Variants in MECOM observed in about 807,000 individuals in gnomAD.
MECOM encodes the protein MDS1 and EVI1 complex locus.
In MECOM, 13 loss-of-function variants were observed where a neutral mutation model predicts 116.3. The ratio of observed to expected loss-of-function variants is 0.11; its 90% confidence interval spans 0.07 to 0.18. The LOEUF (loss-of-function observed/expected upper bound fraction) is 0.18. Among genes scored for constraint, MECOM ranks in the 10% least tolerant of loss-of-function variants. The pLI, the probability that MECOM is intolerant of heterozygous loss-of-function variation, is 1.00. For synonymous variants in MECOM, 528 were observed against 535.2 expected, an observed-to-expected ratio of 0.99 and a Z score of 0.19; for missense variants, 1,299 against 1,509.0, an observed-to-expected ratio of 0.86 and a Z score of 2.31.
intron 1 of MECOM, among the ~76,000 whole-genome samples, chr3:169,619,360 G>T (rs1430999714): frequency 1.3e-5 from 2 of 152,116 alleles, no homozygotes; most frequent in Non-Finnish European, 2.9e-5. Flanking sequence ...CACAAATAAG[G>T]CTGGGCTGGA....
chr3:169,160,595 T>C (rs1418877853), intron 2 of MECOM, among the ~76,000 whole-genome samples: 2 of 146,656 alleles, frequency 1.4e-5, no homozygotes, highest in East Asian at 3.9e-4. Flanking sequence ...ATGTACAATA[T>C]ATTATTGTAC....
In MECOM at chr3:169,615,265, G is replaced by A. The variant is rs560928829; in HGVS notation, c.37+48071C>T. Among the ~76,000 whole-genome samples, 12 of 152,316 alleles carry A rather than the reference G, an allele frequency of 7.9e-5. No homozygotes were observed. The East Asian group carries it at 2.3e-3, about 29-fold the overall frequency. The stretch of plus-strand genomic sequence containing the variant: ...GCCAACTATAAAGTTATTAACACAA[G>A]AACCCTGTCTTATTCATCACAGTAT... On this transcript the variant is annotated intron_variant, in intron 1 of 16. Coordinates refer to ENST00000651503, the MANE Select transcript of MECOM (RefSeq NM_004991.4).
intron 1 of MECOM, among the ~76,000 whole-genome samples, chr3:169,477,560 G>A (rs754988050): frequency 6.6e-6 from 1 of 152,182 alleles, no homozygotes; most frequent in Non-Finnish European, 1.5e-5. Flanking sequence ...CAAAGGATTA[G>A]CTGACTTAAA....
chr3:169,141,073 T>A (rs1737960694), intron 3 of MECOM, among the ~76,000 whole-genome samples: 1 of 152,086 alleles, frequency 6.6e-6, no homozygotes, highest in Non-Finnish European at 1.5e-5. Flanking sequence ...TTAGAATTTT[T>A]AAAAATATGT....
Position 169,087,950 on chromosome 3 carries a change from A to G in MECOM, c.3585+1050T>C, listed in dbSNP as rs576114000. 1.2e-4 allele frequency among the ~76,000 whole-genome samples: 19 copies of G among 152,320 alleles called. No homozygotes were observed. In the South Asian group the frequency reaches 3.9e-3, roughly 32 times the overall value. On this transcript the variant is annotated intron_variant, in intron 16 of 16. Coordinates refer to ENST00000651503, the MANE Select transcript of MECOM (RefSeq NM_004991.4). ...TTGAGAAAGAACATTTATTTTACCT[A>G]TTACCATACATAATATCTCAGAACT...
intron 2 of MECOM, among the ~76,000 whole-genome samples, chr3:169,153,389 C>T (rs763361532): frequency 3.6e-4 from 55 of 152,172 alleles, no homozygotes; most frequent in South Asian, 1.7e-3. Flanking sequence ...TTACTATTAT[C>T]TTTTTATTTT....
chr3:169,412,087 A>T (rs1578018220), intron 1 of MECOM, among the ~76,000 whole-genome samples: 1 of 152,130 alleles, frequency 6.6e-6, no homozygotes, highest in East Asian at 1.9e-4. Context: ...GGGGTTCAAG[A>T]CCAGCCTGAC....
intron 2 of MECOM, among the ~76,000 whole-genome samples, chr3:169,366,281 C>T (rs1254909613): frequency 1.3e-5 from 2 of 151,856 alleles, no homozygotes; most frequent in Admixed American, 6.6e-5. Context: ...GTCTCAATCA[C>T]GTGAGCAGAA....
chr3:169,106,295 GT>G, intron 10 of MECOM, among the ~76,000 whole-genome samples: 1 of 152,086 alleles, frequency 6.6e-6, no homozygotes, highest in Non-Finnish European at 1.5e-5. Flanking sequence ...AAATCACTTA[GT>G]TTTTTCTTTA....
At chr3:169,434,856 G>C (rs1742375948) in intron 1 of MECOM, among the ~76,000 whole-genome samples, 1 of 152,114 alleles carries the variant, frequency 6.6e-6, no homozygotes, top group Admixed American at 6.6e-5. Context: ...AATCTTTTAT[G>C]ATGTGTTACA....
chr3:169,385,104 A>AC, intron 1 of MECOM, among the ~76,000 whole-genome samples: 1 of 57,642 alleles, frequency 1.7e-5, no homozygotes, highest in Non-Finnish European at 4.6e-5. Flanking sequence ...ACCCTGTCTC[A>AC]AAAAAAAAAA....
intron 1 of MECOM, among the ~76,000 whole-genome samples, chr3:169,382,905 G>T (rs1046916097): frequency 2.2e-4 from 32 of 143,280 alleles, no homozygotes; most frequent in African/African-American, 8.3e-4. Flanking sequence ...GTTGCCTCCA[G>T]CTCCATGATC....
chr3:169,123,457 A>C (rs1731764754), intron 5 of MECOM, among the ~76,000 whole-genome samples: 1 of 151,886 alleles, frequency 6.6e-6, no homozygotes, highest in African/African-American at 2.4e-5. Context: ...TCACAAGCAT[A>C]GTTTCTCTGT....
chr3:169,199,262 G>T (rs529786859), intron 2 of MECOM, among the ~76,000 whole-genome samples: 2 of 152,098 alleles, frequency 1.3e-5, no homozygotes, highest in South Asian at 4.1e-4. Context: ...TTTCTCTTCC[G>T]TCAGCACCCC....
intron 1 of MECOM, among the ~76,000 whole-genome samples, chr3:169,489,687 C>G (rs59030006): frequency 6.6e-6 from 1 of 151,450 alleles, no homozygotes; most frequent in Non-Finnish European, 1.5e-5. Flanking sequence ...CTTGGTTAGG[C>G]GTAGAAAAAA....
chr3:169,317,620 C>A (rs1470685873), intron 2 of MECOM, among the ~76,000 whole-genome samples: 1 of 152,194 alleles, frequency 6.6e-6, no homozygotes, highest in Non-Finnish European at 1.5e-5. Context: ...ACTTACATAG[C>A]AACAGCTACT....
intron 2 of MECOM, among the ~76,000 whole-genome samples, chr3:169,373,822 C>G (rs537822162): frequency 1.1e-4 from 16 of 152,080 alleles, no homozygotes; most frequent in Middle Eastern, 6.8e-3. Context: ...TGGACTACTT[C>G]AGCTCTCATT....
chr3:169,635,472 T>G lies in MECOM; in HGVS notation c.37+27864A>C, dbSNP rs75979921. On this transcript the variant is annotated intron_variant, in intron 1 of 16. Coordinates refer to ENST00000651503, the MANE Select transcript of MECOM (RefSeq NM_004991.4). ...CCTCATCTCCCATTGCTATCTGCCA[T>G]GCACCATGCACTTAAAACAAAGGAG... is the stretch of plus-strand genomic sequence containing the variant. Among the ~76,000 whole-genome samples, 325 of 152,302 alleles carry G rather than the reference T, an allele frequency of 2.1e-3. 1 individual carries two copies. The highest frequency in any genetic ancestry group is 7.6e-3 in the African/African-American group (317 of 41,540).
intron 1 of MECOM, among the ~76,000 whole-genome samples, chr3:169,587,005 C>A (rs1365904216): frequency 6.6e-6 from 1 of 152,156 alleles, no homozygotes; most frequent in Non-Finnish European, 1.5e-5. Context: ...CTTACATGTA[C>A]TAACTCATTT....
Sources: gnomAD v4.1 joint callset for allele counts (sites outside exome capture counted in the v4.1 genomes callset) on GRCh38, gnomAD v4.1.1 for gene constraint, MANE v1.5 for transcripts, NCBI Gene and HGNC (gene_info 2026-07-23, HGNC 2026-07-21) for gene names.